The following MTMR2 variants were observed in gnomAD, a reference collection of about 807,000 sequenced individuals.
MTMR2 encodes the protein myotubularin related protein 2, also known as phosphatidylinositol-3,5-bisphosphate 3-phosphatase MTMR2.
In MTMR2, 55 loss-of-function variants were observed where a neutral mutation model predicts 86.9. The observed-to-expected ratio is 0.63, with a 90% CI of 0.51 to 0.79. The LOEUF (loss-of-function observed/expected upper bound fraction) is 0.79, where lower values mean the gene tolerates loss of function less well. Among genes scored for constraint, MTMR2 ranks in the 30% least tolerant of loss-of-function variants. MTMR2 has a pLI of 0.00. For synonymous variants in MTMR2, 241 were observed against 266.8 expected (o/e 0.90, Z 0.94); for missense variants, 659 against 772.3 (o/e 0.85, Z 1.74).
intron 1 of MTMR2, among the ~76,000 whole-genome samples, chr11:95,892,565 G>A (rs987416040): frequency 1.3e-5 from 2 of 152,266 alleles, no homozygotes; most frequent in African/African-American, 2.4e-5. Flanking sequence ...TTAAGTAACC[G>A]ATACCATTTT....
chr11:95,844,518 C>T (rs928495874), intron 11 of MTMR2, among the ~76,000 whole-genome samples: 13 of 152,118 alleles, frequency 8.5e-5, no homozygotes, highest in Non-Finnish European at 1.6e-4. Context: ...TTGGCCTGTT[C>T]ATGGGATCTG....
chr11:95,868,795 G>A (rs1864736147), intron 2 of MTMR2, among the ~76,000 whole-genome samples: 1 of 151,912 alleles, frequency 6.6e-6, no homozygotes, highest in Non-Finnish European at 1.5e-5. Flanking sequence ...AATCAAGTTA[G>A]CTTCAAGGTT....
At chr11:95,915,419 C>G (rs1429869392) in intron 1 of MTMR2, among the ~76,000 whole-genome samples, 1 of 152,078 alleles carries the variant, frequency 6.6e-6, no homozygotes, top group Non-Finnish European at 1.5e-5. Context: ...TTTTATCAAT[C>G]CAAAGGAGAC....
At chr11:95,859,927 T>C (rs181183439) in intron 5 of MTMR2, among the ~76,000 whole-genome samples, 192 of 152,262 alleles carry the variant, frequency 1.3e-3, no homozygotes, top group African/African-American at 4.3e-3. Context: ...TCAGTAAATA[T>C]CTTTATAACT....
At chr11:95,841,474 CAAT>C in intron 12 of MTMR2, 140 bp downstream of exon 12, 1 of 736,116 alleles carries the variant, frequency 1.4e-6, no homozygotes, top group South Asian at 1.4e-5. Flanking sequence ...CATAATGTGA[CAAT>C]AAATAGCTCT....
chr11:95,915,423 A>C (rs16922700), intron 1 of MTMR2, among the ~76,000 whole-genome samples: 9,131 of 152,236 alleles, frequency 0.06, 360 homozygotes, highest in Middle Eastern at 0.11. Flanking sequence ...ATCAATCCAA[A>C]GGAGACTTAT....
intron 1 of MTMR2, among the ~76,000 whole-genome samples, chr11:95,903,223 T>C (rs1056597283): frequency 3.9e-5 from 6 of 152,152 alleles, no homozygotes; most frequent in Non-Finnish European, 8.8e-5. Flanking sequence ...CCATCAGCTC[T>C]TTTTCTCTAG....
At chr11:95,913,797 G>A (rs989330212) in intron 1 of MTMR2, among the ~76,000 whole-genome samples, 1 of 151,752 alleles carries the variant, frequency 6.6e-6, no homozygotes, top group East Asian at 1.9e-4. Context: ...GGGAAGGAAG[G>A]CGGCTAACTA....
At chr11:95,872,337 G>A (rs1041624933) in intron 2 of MTMR2, among the ~76,000 whole-genome samples, 1 of 152,020 alleles carries the variant, frequency 6.6e-6, no homozygotes, top group Non-Finnish European at 1.5e-5. Flanking sequence ...GGTCCTTCAC[G>A]TCCCTTGTAA....
intron 2 of MTMR2, among the ~76,000 whole-genome samples, chr11:95,866,228 C>A (rs1191932481): frequency 2.0e-5 from 3 of 152,096 alleles, no homozygotes; most frequent in African/African-American, 4.8e-5. Context: ...CAAATATGAC[C>A]AGGTAGTTAC....
chr11:95,898,261 T>TA (rs1242238045), intron 1 of MTMR2, among the ~76,000 whole-genome samples: 8 of 138,774 alleles, frequency 5.8e-5, no homozygotes, highest in Non-Finnish European at 7.5e-5. Flanking sequence ...TGGTTGGTTT[T>TA]TAAAAAAAAA....
At chr11:95,858,211 TGG>T (rs1864279744) in intron 6 of MTMR2, among the ~76,000 whole-genome samples, 1 of 152,180 alleles carries the variant, frequency 6.6e-6, no homozygotes, top group Non-Finnish European at 1.5e-5. Context: ...TAGTGTTAAC[TGG>T]CTCCCAATTA....
intron 11 of MTMR2, among the ~76,000 whole-genome samples, chr11:95,844,737 G>T (rs928463308): frequency 4.6e-5 from 7 of 152,098 alleles, no homozygotes; most frequent in Admixed American, 2.6e-4. Context: ...GGAGATCACA[G>T]AAAAGACTGG....
At position 95,875,215 on chromosome 11, in the gene MTMR2, C is replaced by T. The variant is rs551060452; in HGVS notation, c.187-9539G>A. ...TTTTCCAACTTGGTTCCATTCTCCC[C>T]GTCACTTTCAGGTACACCAATCAGA... is the stretch of plus-strand genomic sequence containing the variant. On this transcript the variant is annotated intron_variant, in intron 2 of 14. Transcript: ENST00000346299. Among the ~76,000 whole-genome samples the T allele has an allele frequency of 3.1e-3, 478 of 152,276 alleles. 1 individual carries two copies. The highest frequency in any genetic ancestry group is 0.011 in the African/African-American group (440 of 41,560).
At chr11:95,853,720 A>T (rs1864107305) in intron 7 of MTMR2, among the ~76,000 whole-genome samples, 1 of 152,180 alleles carries the variant, frequency 6.6e-6, no homozygotes, top group African/African-American at 2.4e-5. Flanking sequence ...CTCTTTGGGA[A>T]CCTGGACTTT....
chr11:95,872,077 T>G (rs1415056881), intron 2 of MTMR2, among the ~76,000 whole-genome samples: 1 of 152,214 alleles, frequency 6.6e-6, no homozygotes, highest in Admixed American at 6.5e-5. Flanking sequence ...TTTGTTCTTT[T>G]GGCTTAGGAT....
chr11:95,865,412 CA>C, intron 3 of MTMR2, 188 bp downstream of exon 3: 1 of 607,918 alleles, frequency 1.6e-6, no homozygotes, highest in Non-Finnish European at 3.0e-6. Flanking sequence ...AGTTCAAACA[CA>C]AACACTAGCA....
intron 1 of MTMR2, among the ~76,000 whole-genome samples, chr11:95,898,003 A>C (rs946131385): frequency 6.6e-6 from 1 of 152,160 alleles, no homozygotes; most frequent in Non-Finnish European, 1.5e-5. Context: ...ACTTGAAAAA[A>C]TGGAAACACT....
chr11:95,837,106 A>C (rs1175124843), intron 13 of MTMR2, among the ~76,000 whole-genome samples: 2 of 152,044 alleles, frequency 1.3e-5, no homozygotes, highest in East Asian at 3.8e-4. Context: ...AACATTCCTT[A>C]AGTTGTTGAG....
Sources: allele counts gnomAD v4.1 joint callset (sites outside exome capture counted in the v4.1 genomes callset), GRCh38; gene constraint gnomAD v4.1.1; transcripts MANE v1.5; gene names NCBI Gene and HGNC (gene_info 2026-07-23, HGNC 2026-07-21).